The following PDE4D variants were observed in gnomAD, a reference collection of about 807,000 sequenced individuals.
PDE4D encodes phosphodiesterase 4D.
PDE4D carries 24 observed loss-of-function variants against 87.4 expected under a neutral mutation model. The ratio of observed to expected loss-of-function variants is 0.27; its 90% CI spans 0.20 to 0.39. PDE4D has a LOEUF of 0.39. Among genes scored for constraint, PDE4D ranks in the 10% least tolerant of loss-of-function variants. The pLI, the probability that PDE4D is intolerant of heterozygous loss-of-function variation, is 1.00. For synonymous variants in PDE4D, 384 were observed against 383.2 expected, an observed-to-expected ratio of 1.00 and a Z score of -0.02; for missense variants, 714 against 1,041.0, an observed-to-expected ratio of 0.69 and a Z score of 4.32.
chr5:60,371,857 T>C (rs1043798442), intron 1 of PDE4D, among the ~76,000 whole-genome samples: 4 of 152,240 alleles, frequency 2.6e-5, no homozygotes, highest in Non-Finnish European at 4.4e-5. Context: ...TTATTGCTAC[T>C]GCGTGTTTCA....
At chr5:59,707,596 C>T (rs907726598) in intron 1 of PDE4D, among the ~76,000 whole-genome samples, 1 of 152,076 alleles carries the variant, frequency 6.6e-6, no homozygotes, top group African/African-American at 2.4e-5. Context: ...GGTTGCTGAA[C>T]CTATCAACCC....
intron 1 of PDE4D, among the ~76,000 whole-genome samples, chr5:59,220,549 T>C (rs1224000873): frequency 1.3e-5 from 2 of 152,070 alleles, no homozygotes; most frequent in African/African-American, 4.8e-5. Flanking sequence ...TTGTGGATTT[T>C]AAAAGGCAGC....
At chr5:59,521,193 C>G (rs1039337777) in intron 1 of PDE4D, among the ~76,000 whole-genome samples, 2 of 151,514 alleles carry the variant, frequency 1.3e-5, no homozygotes, top group African/African-American at 2.4e-5. Flanking sequence ...AATGATGCAC[C>G]ACTGAGAATG....
At chr5:59,127,515 G>T (rs1210102165) in intron 5 of PDE4D, among the ~76,000 whole-genome samples, 1 of 151,880 alleles carries the variant, frequency 6.6e-6, no homozygotes, top group Non-Finnish European at 1.5e-5. Context: ...GGAGGGCCGT[G>T]AGCCTGCCTT....
chr5:59,448,586 A>G (rs900421122), intron 1 of PDE4D, among the ~76,000 whole-genome samples: 2 of 152,206 alleles, frequency 1.3e-5, no homozygotes, highest in African/African-American at 4.8e-5. Flanking sequence ...TTGTTTCTGT[A>G]TCAATATGGA....
intron 2 of PDE4D, among the ~76,000 whole-genome samples, chr5:59,209,383 A>G (rs1365295739): frequency 6.6e-6 from 1 of 152,056 alleles, no homozygotes; most frequent in East Asian, 1.9e-4. Context: ...ACAGGGTTTC[A>G]CCATGTTGCC....
intron 1 of PDE4D, among the ~76,000 whole-genome samples, chr5:59,542,313 G>A (rs1295309774): frequency 6.6e-6 from 1 of 152,090 alleles, no homozygotes; most frequent in African/African-American, 2.4e-5. Flanking sequence ...AATAATGACT[G>A]GTCATGCAGC....
intron 1 of PDE4D, among the ~76,000 whole-genome samples, chr5:60,351,180 C>T (rs1261132620): frequency 6.6e-6 from 1 of 152,080 alleles, no homozygotes; most frequent in African/African-American, 2.4e-5. Context: ...GCCAAAAGGC[C>T]ACAGTCAACA....
intron 1 of PDE4D, among the ~76,000 whole-genome samples, chr5:59,554,298 C>T (rs953077189): frequency 5.9e-5 from 9 of 152,132 alleles, no homozygotes; most frequent in Non-Finnish European, 1.3e-4. Flanking sequence ...GTATCAACTT[C>T]TCCTTGAATC....
chr5:59,203,188 T>C (rs1187617185), intron 2 of PDE4D, among the ~76,000 whole-genome samples: 1 of 151,726 alleles, frequency 6.6e-6, no homozygotes. Context: ...TACAAAAAAA[T>C]TAAAATCAAA....
chr5:59,157,146 T>C, intron 5 of PDE4D: 1 of 576,606 alleles, frequency 1.7e-6, no homozygotes, highest in Non-Finnish European at 3.1e-6. Flanking sequence ...GATGGTACAT[T>C]TCCATTGCTT....
chr5:59,148,035 A>T (rs1364860182), intron 5 of PDE4D, among the ~76,000 whole-genome samples: 3 of 152,176 alleles, frequency 2.0e-5, no homozygotes, highest in Non-Finnish European at 4.4e-5. Flanking sequence ...CATCATTTAT[A>T]TCTGAGTTAT....
chr5:60,066,592 T>TATCATC (rs55735827), intron 2 of PDE4D, among the ~76,000 whole-genome samples: 49,863 of 149,486 alleles, frequency 0.33, 9,352 homozygotes, highest in East Asian at 0.73. Flanking sequence ...TAAAGCAAAT[T>TATCATC]ATCATCATCA....
intron 1 of PDE4D, among the ~76,000 whole-genome samples, chr5:59,267,621 A>G (rs1271539766): frequency 6.6e-6 from 1 of 152,150 alleles, no homozygotes; most frequent in Non-Finnish European, 1.5e-5. Context: ...CAAAGGCCAT[A>G]AAGAAGAATT....
Position 59,348,674 on chromosome 5 carries a change from T to C in PDE4D, c.456-132706A>G, listed in dbSNP as rs537393392. 6.0e-5 allele frequency among the ~76,000 whole-genome samples: 9 copies of C among 148,942 alleles called. No individual in the cohort carries two copies. The East Asian group carries it at 1.8e-3, about 30-fold the overall frequency. ...TTACATACTTGTCCCCTTTGAACTG[T>C]CCTTTGCATTTGATTGGCTTAACAT... On this transcript the variant is annotated intron_variant, in intron 1 of 14. Coordinates refer to ENST00000340635, the MANE Select transcript of PDE4D (RefSeq NM_001104631.2).
chr5:60,247,248 T>C (rs770654127), intron 1 of PDE4D, among the ~76,000 whole-genome samples: 3 of 151,976 alleles, frequency 2.0e-5, no homozygotes, highest in Non-Finnish European at 4.4e-5. Flanking sequence ...TCAATTCAAG[T>C]GTTTATCCCT....
chr5:59,320,808 CCTT>C (rs760688477), intron 1 of PDE4D, among the ~76,000 whole-genome samples: 85 of 152,190 alleles, frequency 5.6e-4, no homozygotes, highest in Admixed American at 3.2e-3. Flanking sequence ...CTCCTCTACT[CCTT>C]CTTTTCTTTT....
intron 1 of PDE4D, among the ~76,000 whole-genome samples, chr5:60,226,137 T>C (rs1745069500): frequency 2.0e-5 from 3 of 152,110 alleles, no homozygotes; most frequent in South Asian, 4.1e-4. Flanking sequence ...AAAAATATTT[T>C]AATAAATCAA....
intron 1 of PDE4D, among the ~76,000 whole-genome samples, chr5:60,384,209 G>A (rs986057851): frequency 2.0e-5 from 3 of 152,170 alleles, no homozygotes; most frequent in African/African-American, 7.2e-5. Flanking sequence ...CAAACTTGAA[G>A]CTTTCCAAGT....
Sources: gnomAD v4.1 joint callset for allele counts (sites outside exome capture counted in the v4.1 genomes callset) on GRCh38, gnomAD v4.1.1 for gene constraint, MANE v1.5 for transcripts, NCBI Gene and HGNC (gene_info 2026-07-23, HGNC 2026-07-21) for gene names.